The following NAV2 variants were observed in gnomAD, a reference collection of about 807,000 sequenced individuals.
NAV2 encodes the protein helicase, APC down-regulated 1.
NAV2 carries 54 observed loss-of-function variants against 223.2 expected under a neutral mutation model. The observed-to-expected ratio is 0.24, with a 90% confidence interval of 0.19 to 0.30. The LOEUF is 0.30. Ranked by LOEUF, NAV2 falls within the 10% of genes least tolerant of loss-of-function variation. The probability of loss-of-function intolerance (pLI) is 1.00; values close to 1 mark genes in which losing one functional copy is unlikely to be tolerated. For synonymous variants in NAV2, 1,279 were observed against 1,239.3 expected (o/e 1.03, Z -0.67); for missense variants, 2,806 against 3,147.5 (o/e 0.89, Z 2.60).
rs1164931729 is a variant in NAV2 at position 19,518,939 on chromosome 11, C to T, written c.75+167912C>T. 2.0e-5 allele frequency among the ~76,000 whole-genome samples: 3 copies of T among 152,082 alleles called. No homozygotes were observed. In the East Asian group the frequency reaches 5.8e-4, roughly 29 times the overall value. ...TAAAAGGGACCCCATAGAGCTCCCT[C>T]ACCTTTTCTGCTGTGTAAGGAAACG... On this transcript the variant is annotated intron_variant, in intron 1 of 37. Transcript: ENST00000360655.
chr11:19,619,905 A>G (rs1294830542), intron 1 of NAV2, among the ~76,000 whole-genome samples: 1 of 152,190 alleles, frequency 6.6e-6, no homozygotes, highest in Non-Finnish European at 1.5e-5. Context: ...TCTAACATGT[A>G]AGTCTTTAAT....
intron 1 of NAV2, among the ~76,000 whole-genome samples, chr11:19,646,363 A>G (rs1375794070): frequency 2.6e-5 from 4 of 152,218 alleles, no homozygotes; most frequent in Non-Finnish European, 5.9e-5. Context: ...GCTCTATTTC[A>G]TTTAATACAA....
At chr11:20,071,039 G>A (rs10766622) in intron 22 of NAV2, among the ~76,000 whole-genome samples, 81,941 of 149,544 alleles carry the variant, frequency 0.55, 23,246 homozygotes, top group East Asian at 0.91. Flanking sequence ...ATGTGCCATG[G>A]TGGTTTGCTG....
chr11:19,945,838 C>G (rs2046897472), intron 8 of NAV2, among the ~76,000 whole-genome samples: 1 of 152,170 alleles, frequency 6.6e-6, no homozygotes, highest in South Asian at 2.1e-4. Flanking sequence ...CAGCACCTTC[C>G]CCACAGTCAC....
intron 1 of NAV2, among the ~76,000 whole-genome samples, chr11:19,642,260 T>TAA (rs1227869905): frequency 6.6e-6 from 1 of 152,220 alleles, no homozygotes; most frequent in African/African-American, 2.4e-5. Context: ...AGGAGGCCAT[T>TAA]GTTCAATAAG....
At chr11:19,497,450 T>C (rs187651078) in intron 1 of NAV2, among the ~76,000 whole-genome samples, 173 of 152,278 alleles carry the variant, frequency 1.1e-3, no homozygotes, top group African/African-American at 3.9e-3. Context: ...ATTCCCCTGG[T>C]GAGTGGGAGT....
intron 1 of NAV2, among the ~76,000 whole-genome samples, chr11:19,754,998 ACAACTTG>A (rs2054124053): frequency 6.6e-6 from 1 of 152,106 alleles, no homozygotes; most frequent in Non-Finnish European, 1.5e-5. Flanking sequence ...ACCGTCACCC[ACAACTTG>A]CAAACTACAG....
chr11:19,531,864 C>A (rs1213975688), intron 1 of NAV2, among the ~76,000 whole-genome samples: 2 of 152,094 alleles, frequency 1.3e-5, no homozygotes, highest in Non-Finnish European at 2.9e-5. Context: ...GGATACACTG[C>A]AACTTCAGAG....
chr11:19,749,850 G>C (rs1269675921), intron 1 of NAV2, among the ~76,000 whole-genome samples: 2 of 152,250 alleles, frequency 1.3e-5, no homozygotes, highest in East Asian at 3.8e-4. Flanking sequence ...ATCTCCTGGT[G>C]CCGTTTGTCA....
intron 6 of NAV2, among the ~76,000 whole-genome samples, chr11:19,913,661 G>A (rs1289040996): frequency 1.3e-5 from 2 of 152,188 alleles, no homozygotes; most frequent in Non-Finnish European, 2.9e-5. Flanking sequence ...GAGAAAGGAG[G>A]GAGGCTGTCA....
chr11:19,458,188 C>A (rs1852025836), intron 1 of NAV2, among the ~76,000 whole-genome samples: 1 of 152,196 alleles, frequency 6.6e-6, no homozygotes, highest in African/African-American at 2.4e-5. Context: ...GGGCCTGGTG[C>A]CCATAGCTGC....
At chr11:19,545,168 G>A (rs201749512) in intron 1 of NAV2, among the ~76,000 whole-genome samples, 2 of 152,180 alleles carry the variant, frequency 1.3e-5, no homozygotes, top group Non-Finnish European at 2.9e-5. Flanking sequence ...GCCAGTGTGG[G>A]CATTTATTAT....
chr11:19,655,946 C>G (rs1465537263), intron 1 of NAV2, among the ~76,000 whole-genome samples: 1 of 151,922 alleles, frequency 6.6e-6, no homozygotes, highest in Non-Finnish European at 1.5e-5. Context: ...AAAGAGCAGC[C>G]TCACACTCCT....
In NAV2 at chr11:20,075,727, A is replaced by G. The variant is rs149013997; in HGVS notation, c.4984-1825A>G. ...CTTTACCCCTCACATCTCTCCTTAGATTGAAATGTCACTGTGCCTCCTCAC... is the reference window on the plus strand; with the variant it reads ...CTTTACCCCTCACATCTCTCCTTAGGTTGAAATGTCACTGTGCCTCCTCAC... On this transcript the variant is annotated intron_variant, in intron 22 of 37. Coordinates refer to ENST00000349880, the MANE Select transcript of NAV2 (RefSeq NM_145117.5). Among the ~76,000 whole-genome samples, 242 of 152,106 alleles carry G rather than the reference A, an allele frequency of 1.6e-3. 1 individual carries two copies. The highest frequency in any genetic ancestry group is 5.5e-3 in the African/African-American group (229 of 41,492).
chr11:19,873,212 A>G (rs574709608), intron 4 of NAV2, among the ~76,000 whole-genome samples: 102 of 152,298 alleles, frequency 6.7e-4, no homozygotes, highest in African/African-American at 2.4e-3. Flanking sequence ...AGGGTACACC[A>G]GTGATCAAGC....
At chr11:19,817,813 C>T (rs968209414) in intron 1 of NAV2, among the ~76,000 whole-genome samples, 1 of 152,220 alleles carries the variant, frequency 6.6e-6, no homozygotes, top group African/African-American at 2.4e-5. Flanking sequence ...TCACTTGCTC[C>T]TGTCCCTTCA....
At chr11:19,923,389 CAAA>C (rs148743875) in intron 6 of NAV2, among the ~76,000 whole-genome samples, 1 of 149,820 alleles carries the variant, frequency 6.7e-6, no homozygotes, top group South Asian at 2.1e-4. Context: ...GTCCTGTAGA[CAAA>C]AAAAAAATTA....
At chr11:19,996,298 G>T (rs2051873732) in intron 11 of NAV2, among the ~76,000 whole-genome samples, 1 of 152,182 alleles carries the variant, frequency 6.6e-6, no homozygotes, top group Admixed American at 6.5e-5. Flanking sequence ...AGTAATAAGT[G>T]AGCATCCCCT....
intron 35 of NAV2, among the ~76,000 whole-genome samples, chr11:20,106,175 A>ATATATGTGTGTGTGTG (rs11267537): frequency 0.034 from 1,220 of 35,792 alleles, 208 homozygotes; most frequent in Non-Finnish European, 0.046. Context: ...ATATATATAT[A>ATATATGTGTGTGTGTG]TGTGTGTGTA....
Sources: gnomAD v4.1 joint callset for allele counts (sites outside exome capture counted in the v4.1 genomes callset) on GRCh38, gnomAD v4.1.1 for gene constraint, MANE v1.5 for transcripts, NCBI Gene and HGNC (gene_info 2026-07-23, HGNC 2026-07-21) for gene names.